GSE1: variants seen among roughly 807,000 people sequenced by gnomAD.
GSE1 encodes the protein genetic suppressor element 1.
GSE1 carries 32 observed loss-of-function variants against 112.6 expected under a neutral mutation model. The observed-to-expected ratio is 0.28, with a 90% CI of 0.21 to 0.38. GSE1 has a LOEUF of 0.38. GSE1 is among the 10% of genes least tolerant of loss of function. GSE1 has a pLI of 1.00. For synonymous variants in GSE1, 1,115 were observed against 735.6 expected, an observed-to-expected ratio of 1.52 and a Z score of -8.35; for missense variants, 2,348 against 1,699.2, an observed-to-expected ratio of 1.38 and a Z score of -6.71.
At chr16:85,651,793 C>A (rs949107945) in intron 3 of GSE1, among the ~76,000 whole-genome samples, 2 of 152,212 alleles carry the variant, frequency 1.3e-5, no homozygotes, top group Non-Finnish European at 2.9e-5. Flanking sequence ...AGTCCAGGTA[C>A]CCCGGGTGCC....
chr16:85,347,461 C>T lies in GSE1; in HGVS notation c.2284-10002C>T, dbSNP rs115027492. 3.3e-3 allele frequency among the ~76,000 whole-genome samples: 508 copies of T among 152,288 alleles called. 2 individuals are homozygous for T. The highest frequency in any genetic ancestry group is 0.012 in the African/African-American group (487 of 41,560). Reference sequence around the variant, plus strand: ...CCTCAGCAAGCAGTGAGCTCCTGCCCTGTGCCAGCCTTTCAAGGGACCATC... The same window carrying T: ...CCTCAGCAAGCAGTGAGCTCCTGCCTTGTGCCAGCCTTTCAAGGGACCATC... On this transcript the variant is annotated intron_variant, in intron 1 of 2. Transcript: ENST00000637419.
intron 2 of GSE1, among the ~76,000 whole-genome samples, chr16:85,410,475 TGCTCACTGTTACACTCAGGGCCCCC>T (rs2048492849): frequency 1.5e-4 from 1 of 6,534 alleles, no homozygotes; most frequent in Non-Finnish European, 3.5e-4. Context: ...CCCTGGATAA[TGCTCACTGTTACACTCAGGGCCCCC>T]CGGATAATCC....
At chr16:85,572,205 A>G (rs2046019546) in intron 1 of GSE1, among the ~76,000 whole-genome samples, 1 of 148,526 alleles carries the variant, frequency 6.7e-6, no homozygotes, top group African/African-American at 2.5e-5. Flanking sequence ...CACAACACAC[A>G]CAGCACGCAC....
chr16:85,636,519 T>C (rs2050011272), intron 2 of GSE1, among the ~76,000 whole-genome samples: 2 of 152,204 alleles, frequency 1.3e-5, no homozygotes, highest in Admixed American at 6.5e-5. Context: ...CCCATTCTCA[T>C]GGAGTCACCC....
chr16:85,486,646 C>T (rs1344828447), intron 2 of GSE1, among the ~76,000 whole-genome samples: 1 of 152,190 alleles, frequency 6.6e-6, no homozygotes, highest in Non-Finnish European at 1.5e-5. Context: ...AGCCTCGTCC[C>T]ACTCCTGCCC....
intron 2 of GSE1, among the ~76,000 whole-genome samples, chr16:85,500,052 A>G (rs1194564229): frequency 2.6e-5 from 4 of 152,252 alleles, no homozygotes; most frequent in Admixed American, 2.0e-4. Context: ...CAGTAAAATC[A>G]TGAGACCACC....
At position 85,674,140 on chromosome 16, in the gene GSE1, G is replaced by T. The variant is rs2053551646; in HGVS notation, c.*1601G>T. On this transcript the variant is annotated 3_prime_UTR_variant, in exon 16 of 16. Transcript: ENST00000253458. Reference sequence around the variant, plus strand: ...CTGCCAGTCACTGGTCTGGGGGGTGGAGGCCTGAGCTGAGGGCAGGGTGCC... The same window carrying T: ...CTGCCAGTCACTGGTCTGGGGGGTGTAGGCCTGAGCTGAGGGCAGGGTGCC... 1 of 152,424 alleles carries T rather than the reference G, an allele frequency of 6.6e-6. No homozygotes were observed. The highest frequency in any genetic ancestry group is 2.1e-4 in the South Asian group (1 of 4,828). 9.4% of individuals were successfully genotyped at this position (152,424 alleles called of 1,614,324 possible). A position where few individuals can be genotyped will look rare whatever the true frequency, so the allele number is the denominator to read the frequency against.
At chr16:85,261,316 A>AGT (rs1597219797) in intron 1 of GSE1, among the ~76,000 whole-genome samples, 1 of 152,122 alleles carries the variant, frequency 6.6e-6, no homozygotes, top group East Asian at 1.9e-4. Flanking sequence ...CCACTCACTC[A>AGT]GTGTATGACT....
At chr16:85,568,440 G>T (rs2045850274) in intron 1 of GSE1, among the ~76,000 whole-genome samples, 1 of 152,236 alleles carries the variant, frequency 6.6e-6, no homozygotes, top group Non-Finnish European at 1.5e-5. Flanking sequence ...CCCCTCACTG[G>T]ATCAGTGGGA....
chr16:85,446,020 G>A lies in GSE1; in HGVS notation c.2464+88377G>A, dbSNP rs114703343. 5.0e-3 allele frequency among the ~76,000 whole-genome samples: 760 copies of A among 152,326 alleles called. 8 individuals are homozygous for A. Among genetic ancestry groups the A allele is most frequent in the African/African-American group, 0.018 (730 of 41,574 alleles). ...GGTAACGGCTGTGCGTGTAGCATTT[G>A]GAAGAGTGCCTGGGTGCACACACAG... On this transcript the variant is annotated intron_variant, in intron 2 of 2. Coordinates refer to the GSE1 transcript ENST00000637419.
intron 1 of GSE1, among the ~76,000 whole-genome samples, chr16:85,260,766 T>C (rs1907605033): frequency 1.3e-5 from 2 of 152,314 alleles, no homozygotes; most frequent in Admixed American, 1.3e-4. Context: ...CACCATCTAC[T>C]CTCTGCTTCC....
intron 1 of GSE1, among the ~76,000 whole-genome samples, chr16:85,572,438 CAA>C (rs2046040934): frequency 7.0e-6 from 1 of 143,416 alleles, no homozygotes; most frequent in Non-Finnish European, 1.5e-5. Flanking sequence ...ACAGCACATA[CAA>C]CACACAGCAC....
chr16:85,538,182 G>A (rs1254734523), intron 2 of GSE1, among the ~76,000 whole-genome samples: 1 of 152,228 alleles, frequency 6.6e-6, no homozygotes. Flanking sequence ...GGCCACCCTA[G>A]AGCCACCTGT....
chr16:85,475,951 G>C (rs1331632871), intron 2 of GSE1, among the ~76,000 whole-genome samples: 1 of 151,946 alleles, frequency 6.6e-6, no homozygotes, highest in Non-Finnish European at 1.5e-5. Context: ...TTATTATTGA[G>C]ACATGGTCTC....
At chr16:85,478,913 T>C (rs1178280997) in intron 2 of GSE1, among the ~76,000 whole-genome samples, 26 of 68,174 alleles carry the variant, frequency 3.8e-4, no homozygotes, top group South Asian at 3.4e-3. Context: ...CTTTCTTTCT[T>C]TCTTTCTTTC....
Position 85,252,179 on chromosome 16 carries a change from G to C in GSE1, c.2283+80372G>C, listed in dbSNP as rs190787094. Among the ~76,000 whole-genome samples, 28 of 152,334 alleles carry C rather than the reference G, an allele frequency of 1.8e-4. 1 individual carries two copies. Among genetic ancestry groups the C allele is most frequent in the Admixed American group, 1.5e-3 (23 of 15,302 alleles). On this transcript the variant is annotated intron_variant, in intron 1 of 2. Transcript: ENST00000637419. ...ATGCTCAGTAAACATCCGCTGCCTG[G>C]GAATCTGCTCCATGTGGTCACCCGG...
upstream of GSE1, among the ~76,000 whole-genome samples, chr16:85,610,351 A>C (rs140729092): frequency 3.2e-4 from 49 of 152,280 alleles, no homozygotes; most frequent in Admixed American, 5.2e-4. Context: ...GTGCCCAGGA[A>C]GGGCTCGCAC....
intron 1 of GSE1, among the ~76,000 whole-genome samples, chr16:85,255,163 C>T (rs1309501977): frequency 6.6e-6 from 1 of 152,184 alleles, no homozygotes; most frequent in Non-Finnish European, 1.5e-5. Flanking sequence ...GAGCGAGTGG[C>T]AGAAGCCCAG....
chr16:85,586,542 C>T (rs1340114809), intron 1 of GSE1, among the ~76,000 whole-genome samples: 3 of 152,204 alleles, frequency 2.0e-5, no homozygotes, highest in Non-Finnish European at 2.9e-5. Context: ...CAGTCCCTCC[C>T]GGGAGCCGGG....
Sources: allele counts gnomAD v4.1 joint callset (sites outside exome capture counted in the v4.1 genomes callset), GRCh38; gene constraint gnomAD v4.1.1; transcripts MANE v1.5; gene names NCBI Gene and HGNC (gene_info 2026-07-23, HGNC 2026-07-21).